The following PLGRKT variants were observed in gnomAD, a reference collection of about 807,000 sequenced individuals.
PLGRKT encodes the protein plasminogen receptor with a C-terminal lysine, also known as plasminogen receptor (KT).
Under a neutral mutation model 18.5 loss-of-function variants are expected in PLGRKT, and 22 were observed. That is an observed-to-expected ratio of 1.19 (90% confidence interval 0.85 to 1.70). PLGRKT has a LOEUF of 1.70. Ranked by LOEUF, PLGRKT falls within the 40% of genes most tolerant of loss-of-function variation. The pLI, the probability that PLGRKT is intolerant of heterozygous loss-of-function variation, is 0.00. For synonymous variants in PLGRKT, 72 were observed against 52.8 expected (o/e 1.36, Z -1.58); for missense variants, 235 against 174.4 (o/e 1.35, Z -1.96).
intron 3 of PLGRKT, among the ~76,000 whole-genome samples, chr9:5,412,704 G>GTA (rs1415446840): frequency 6.6e-6 from 1 of 152,192 alleles, no homozygotes; most frequent in Non-Finnish European, 1.5e-5. Flanking sequence ...GATAACTGTG[G>GTA]TATAGGGAAA....
chr9:5,418,858 T>A lies in PLGRKT; in HGVS notation c.81+13039A>T. The A allele has an allele frequency of 9.5e-7, 1 of 1,055,056 alleles. No individual in the cohort carries two copies. The highest frequency in any genetic ancestry group is 1.8e-5 in the Admixed American group (1 of 57,052). The allele number at this position is 1,055,056 out of a possible 1,614,324, so 65.4% of individuals were successfully genotyped here. A position where few individuals can be genotyped will look rare whatever the true frequency, so the allele number is the denominator to read the frequency against. ...CACATCCTTCTGGCTGGTCCTCGTC[T>A]GCTGGAGGCAAACTGAACAGCAGGT... On this transcript the variant is annotated intron_variant, in intron 3 of 5. Transcript: ENST00000223864. The surrounding 1 kb of genome is among the most constrained non-coding windows in gnomAD (Gnocchi z 4.2).
intron 3 of PLGRKT, among the ~76,000 whole-genome samples, chr9:5,371,479 G>A (rs564773399): frequency 6.6e-6 from 1 of 152,154 alleles, no homozygotes; most frequent in Non-Finnish European, 1.5e-5. Context: ...GTTTATCAGG[G>A]GTTTCCGCTT....
intron 3 of PLGRKT, among the ~76,000 whole-genome samples, chr9:5,386,457 G>C (rs577973265): frequency 6.6e-6 from 1 of 151,894 alleles, no homozygotes; most frequent in South Asian, 2.1e-4. Context: ...TAGAGGTCAA[G>C]GATGCTGCTG....
chr9:5,401,264 G>C (rs1344119319), intron 3 of PLGRKT, among the ~76,000 whole-genome samples: 1 of 150,138 alleles, frequency 6.7e-6, no homozygotes, highest in African/African-American at 2.5e-5. Context: ...AAATAAGAAA[G>C]GCAACAAGAA....
At chr9:5,400,992 G>C (rs1311362290) in intron 3 of PLGRKT, among the ~76,000 whole-genome samples, 1 of 151,808 alleles carries the variant, frequency 6.6e-6, no homozygotes, top group Non-Finnish European at 1.5e-5. Flanking sequence ...CAGAAACCAA[G>C]TTAGATAAGA....
At chr9:5,380,948 T>A (rs552859067) in intron 3 of PLGRKT, among the ~76,000 whole-genome samples, 1 of 152,214 alleles carries the variant, frequency 6.6e-6, no homozygotes, top group South Asian at 2.1e-4. Context: ...AGTGAGCGAG[T>A]TCTCAGAAGA....
At chr9:5,436,103 C>A (rs1818954054) in intron 2 of PLGRKT, among the ~76,000 whole-genome samples, 1 of 152,220 alleles carries the variant, frequency 6.6e-6, no homozygotes, top group African/African-American at 2.4e-5. Flanking sequence ...ACCCTGTGAC[C>A]AGAGTTAGAG....
intron 3 of PLGRKT, among the ~76,000 whole-genome samples, chr9:5,411,010 T>C (rs529379684): frequency 2.6e-5 from 4 of 152,314 alleles, no homozygotes; most frequent in African/African-American, 4.8e-5. Context: ...TCTCTGGTTA[T>C]GTATATAATG....
At chr9:5,384,799 G>C (rs1053448262) in intron 3 of PLGRKT, among the ~76,000 whole-genome samples, 1 of 152,052 alleles carries the variant, frequency 6.6e-6, no homozygotes, top group African/African-American at 2.4e-5. Flanking sequence ...ATGAAAAGAT[G>C]CACAAGAACC....
At chr9:5,395,768 G>C (rs1818032199) in intron 3 of PLGRKT, among the ~76,000 whole-genome samples, 1 of 150,816 alleles carries the variant, frequency 6.6e-6, no homozygotes, top group South Asian at 2.1e-4. Flanking sequence ...ATCCTAATTT[G>C]CATAGTTTTC....
chr9:5,359,364 TATTA>T (rs1172497601), intron 5 of PLGRKT, among the ~76,000 whole-genome samples: 1 of 152,198 alleles, frequency 6.6e-6, no homozygotes, highest in Non-Finnish European at 1.5e-5. Context: ...TTTAACACAC[TATTA>T]ATTGTACTCC....
chr9:5,427,732 T>G lies in PLGRKT; in HGVS notation c.81+4165A>C, dbSNP rs567668690. ...GCAAGTAGCATAAAATCCCAGACAC[T>G]TTACATGCCCTGATAGTTTTGGTGG... On this transcript the variant is annotated intron_variant, in intron 3 of 5. Coordinates refer to ENST00000223864, the MANE Select transcript of PLGRKT (RefSeq NM_018465.4). 3.2e-4 allele frequency among the ~76,000 whole-genome samples: 49 copies of G among 152,270 alleles called. 1 individual carries two copies. The highest frequency in any genetic ancestry group is 6.6e-4 in the Non-Finnish European group (45 of 68,012).
chr9:5,378,568 G>C (rs1190917658), intron 3 of PLGRKT, among the ~76,000 whole-genome samples: 2 of 152,206 alleles, frequency 1.3e-5, no homozygotes, highest in African/African-American at 4.8e-5. Flanking sequence ...CTTAAGTGGG[G>C]TTAGTGACTG....
chr9:5,373,684 G>GTCAC (rs1817572471), intron 3 of PLGRKT, among the ~76,000 whole-genome samples: 1 of 152,098 alleles, frequency 6.6e-6, no homozygotes, highest in Non-Finnish European at 1.5e-5. Context: ...TGTAGTCTTG[G>GTCAC]CTACTTGGCA....
At chr9:5,381,682 T>TA (rs56891941) in intron 3 of PLGRKT, among the ~76,000 whole-genome samples, 40,309 of 152,102 alleles carry the variant, frequency 0.27, 5,727 homozygotes, top group African/African-American at 0.36. Context: ...AAACACGCTT[T>TA]AAAAGGGGTC....
At chr9:5,422,854 T>C (rs768108223) in intron 3 of PLGRKT, among the ~76,000 whole-genome samples, 7 of 152,160 alleles carry the variant, frequency 4.6e-5, no homozygotes, top group Non-Finnish European at 1.0e-4. Flanking sequence ...TTTAAAGTTT[T>C]CCTCTCCTCT....
intron 1 of PLGRKT, among the ~76,000 whole-genome samples, chr9:5,437,458 G>A (rs554402875): frequency 9.9e-5 from 15 of 152,216 alleles, no homozygotes; most frequent in Admixed American, 8.5e-4. Flanking sequence ...AATTAACACC[G>A]CCCTTGCTCC....
intron 3 of PLGRKT, among the ~76,000 whole-genome samples, chr9:5,380,911 T>C (rs2131093775): frequency 6.6e-6 from 1 of 152,290 alleles, no homozygotes; most frequent in South Asian, 2.1e-4. Flanking sequence ...TCATGGTGGG[T>C]GGTTCCCCCC....
intron 3 of PLGRKT, among the ~76,000 whole-genome samples, chr9:5,398,140 C>G (rs1378177382): frequency 6.6e-6 from 1 of 151,784 alleles, no homozygotes; most frequent in African/African-American, 2.4e-5. Context: ...GTGGGAGCTT[C>G]TCTTTGTGAC....
Sources: gnomAD v4.1 joint callset for allele counts (sites outside exome capture counted in the v4.1 genomes callset) on GRCh38, gnomAD v4.1.1 for gene constraint, Gnocchi (gnomAD v3.1) non-coding constraint, MANE v1.5 for transcripts, NCBI Gene and HGNC (gene_info 2026-07-23, HGNC 2026-07-21) for gene names.